SCN2A: variants seen among roughly 807,000 people sequenced by gnomAD.
SCN2A encodes sodium voltage-gated channel alpha subunit 2, also known as sodium channel protein type 2 subunit alpha.
In SCN2A, 20 loss-of-function variants were observed where a neutral mutation model predicts 188.7. The observed-to-expected ratio is 0.11, with a 90% CI of 0.07 to 0.15. The LOEUF is 0.15. Ranked by LOEUF, SCN2A falls within the 10% of genes least tolerant of loss-of-function variation. The probability of loss-of-function intolerance (pLI) is 1.00; values close to 1 mark genes in which losing one functional copy is unlikely to be tolerated. For missense variants in SCN2A, 1,278 were observed against 2,445.0 expected (o/e 0.52, Z 10.07); for synonymous variants, 804 against 833.1 (o/e 0.97, Z 0.60).
chr2:165,268,788 C>A (rs1470924875), intron 1 of SCN2A: 1 of 151,876 alleles, frequency 6.6e-6, no homozygotes, highest in African/African-American at 2.4e-5. Flanking sequence ...CACACACACA[C>A]AATGAAATAC....
chr2:165,288,548 A>T (rs1695958923), intron 1 of SCN2A, among the ~76,000 whole-genome samples: 1 of 151,994 alleles, frequency 6.6e-6, no homozygotes, highest in Non-Finnish European at 1.5e-5. Flanking sequence ...TTAAAAAAAA[A>T]AAACAGCTTT....
At chr2:165,316,215 T>G (rs143710338) in intron 11 of SCN2A, among the ~76,000 whole-genome samples, 2 of 152,272 alleles carry the variant, frequency 1.3e-5, no homozygotes, top group East Asian at 3.9e-4. Flanking sequence ...ATGCCTTTGT[T>G]TCAAAGGGGA....
intron 1 of SCN2A, chr2:165,271,347 A>C (rs1695096097): frequency 6.6e-6 from 1 of 152,152 alleles, no homozygotes; most frequent in Non-Finnish European, 1.5e-5. Flanking sequence ...CCATTAAAGT[A>C]TGATTCATAT....
At position 165,297,060 on chromosome 2, in the gene SCN2A, G is replaced by A. The variant is rs139756067; in HGVS notation, c.311G>A (p.Ser104Asn). Residue 104 changes from serine to asparagine, a missense_variant, in exon 3 of 27, where the codon AGT (serine) becomes AAT (asparagine). By Grantham distance (46) the Ser-to-Asn change is conservative. Transcript: ENST00000375437. ...LNKGKAISRFSATPALYILTP... is the reference protein window; with the variant it reads ...LNKGKAISRFNATPALYILTP... ...AAAGGGAAAGCAATCTCTCGATTCAGTGCCACCCCTGCCCTTTACATTTTA... is the reference window on the plus strand; with the variant it reads ...AAAGGGAAAGCAATCTCTCGATTCAATGCCACCCCTGCCCTTTACATTTTA... 10 of 1,611,786 alleles carry A rather than the reference G, an allele frequency of 6.2e-6. No homozygotes were observed. The highest frequency in any genetic ancestry group is 8.5e-6 in the Non-Finnish European group (10 of 1,178,460).
At chr2:165,319,109 G>A (rs1252898897) in intron 11 of SCN2A, among the ~76,000 whole-genome samples, 4 of 152,036 alleles carry the variant, frequency 2.6e-5, no homozygotes, top group Admixed American at 6.5e-5. Context: ...AGGCCGAGAC[G>A]GGCAGATCAT....
intron 1 of SCN2A, among the ~76,000 whole-genome samples, chr2:165,257,057 G>C (rs1485372921): frequency 6.6e-6 from 1 of 152,148 alleles, no homozygotes; most frequent in Non-Finnish European, 1.5e-5. Flanking sequence ...AGTTTGTGTA[G>C]GTTTGATGGC....
rs12151446 is a variant in SCN2A at position 165,292,545 on chromosome 2, G to A, written c.-51-3228G>A. On this transcript the variant is annotated intron_variant, in intron 1 of 26. Transcript: ENST00000375437. ...ATGTTTATGTCCATGTGTACCCAAT[G>A]TTTAGCTCCCACTTATAAGTGAGAA... Among the ~76,000 whole-genome samples the A allele has an allele frequency of 5.2e-3, 795 of 152,058 alleles. 3 individuals are homozygous for A. The highest frequency in any genetic ancestry group is 7.5e-3 in the Non-Finnish European group (511 of 67,982).
chr2:165,277,484 AT>A (rs1429127035), intron 1 of SCN2A, among the ~76,000 whole-genome samples: 1 of 152,222 alleles, frequency 6.6e-6, no homozygotes, highest in African/African-American at 2.4e-5. Context: ...GGTTGCAATT[AT>A]ATAGTTGCCT....
intron 1 of SCN2A, chr2:165,241,093 A>T (rs1177529466): frequency 4.6e-5 from 7 of 151,352 alleles, no homozygotes; most frequent in Non-Finnish European, 7.4e-5. Flanking sequence ...TAGTGTGAAC[A>T]TATCAGGATG....
chr2:165,320,525 G>A (rs536592609), intron 11 of SCN2A, among the ~76,000 whole-genome samples: 10 of 152,208 alleles, frequency 6.6e-5, no homozygotes, highest in Non-Finnish European at 1.5e-4. Flanking sequence ...TTCTCCATGA[G>A]AGCCCTGCCC....
Position 165,313,569 on chromosome 2 carries a change from TAGC to T in SCN2A, c.1035-48_1035-46del. ...CATATATTAAAACAGGAAAACCAATTAGCAGACTTGCCGTTATTGACTTCCTTT... is the reference window on the plus strand; with the variant it reads ...CATATATTAAAACAGGAAAACCAATTAGACTTGCCGTTATTGACTTCCTTT... On this transcript the variant is annotated intron_variant, in intron 8 of 26. Transcript: ENST00000375437. 5 of 1,608,066 alleles carry T rather than the reference TAGC, an allele frequency of 3.1e-6. No individual in the cohort carries two copies. In the African/African-American group the frequency reaches 4.0e-5, roughly 13 times the overall value.
Position 165,388,988 on chromosome 2 carries a change from C to G in SCN2A, c.5182C>G (p.Pro1728Ala). The change falls in exon 27 of 27, where the codon CCT (proline) becomes GCT (alanine). Residue 1728 changes from proline to alanine, a missense_variant. Coordinates refer to ENST00000375437, the MANE Select transcript of SCN2A (RefSeq NM_001040142.2). Reference sequence around the variant, plus strand: ...GCTAGCACCTATTCTTAATAGTGGACCTCCAGACTGTGACCCTGACAAAGA... The same window carrying G: ...GCTAGCACCTATTCTTAATAGTGGAGCTCCAGACTGTGACCCTGACAAAGA... ...GLLAPILNSGPPDCDPDKDHP... is the reference protein window; with the variant it reads ...GLLAPILNSGAPDCDPDKDHP... The G allele has an allele frequency of 6.2e-7, 1 of 1,614,078 alleles. No individual in the cohort carries two copies. The highest frequency in any genetic ancestry group is 8.5e-7 in the Non-Finnish European group (1 of 1,180,000).
At chr2:165,387,113 C>A (rs1480244156) in intron 26 of SCN2A, 97 bp downstream of exon 26, 2 of 1,206,402 alleles carry the variant, frequency 1.7e-6, no homozygotes, top group Admixed American at 1.8e-5. Context: ...TCTCATTCAT[C>A]CCAAACTCCC....
intron 11 of SCN2A, among the ~76,000 whole-genome samples, chr2:165,318,807 T>A (rs1039897503): frequency 1.3e-5 from 2 of 152,130 alleles, no homozygotes; most frequent in Non-Finnish European, 2.9e-5. Flanking sequence ...ATGTCACACA[T>A]CCTGCAAATC....
At chr2:165,351,112 A>T (rs1397600507) in intron 16 of SCN2A, among the ~76,000 whole-genome samples, 1 of 152,198 alleles carries the variant, frequency 6.6e-6, no homozygotes, top group Non-Finnish European at 1.5e-5. Flanking sequence ...CAGATTGGTT[A>T]TGCTACTTAG....
chr2:165,375,184 C>A (rs962844923), intron 22 of SCN2A, among the ~76,000 whole-genome samples: 2 of 151,814 alleles, frequency 1.3e-5, no homozygotes, highest in African/African-American at 4.8e-5. Flanking sequence ...GGAGGTTTCT[C>A]AAAAAACTAA....
chr2:165,298,746 ATC>A (rs949337020), intron 3 of SCN2A, among the ~76,000 whole-genome samples: 1 of 152,182 alleles, frequency 6.6e-6, no homozygotes, highest in African/African-American at 2.4e-5. Context: ...CAGTGAATAA[ATC>A]TCTGCATAAA....
intron 1 of SCN2A, among the ~76,000 whole-genome samples, chr2:165,290,250 A>C (rs1296312866): frequency 6.6e-6 from 1 of 152,048 alleles, no homozygotes; most frequent in East Asian, 1.9e-4. Context: ...TACCTATTTG[A>C]AGTTCTATAA....
At chr2:165,270,354 C>T (rs1261801900) in intron 1 of SCN2A, 4 of 151,992 alleles carry the variant, frequency 2.6e-5, no homozygotes, top group African/African-American at 4.8e-5. Flanking sequence ...TTCTTTACAA[C>T]CCACCCATTG....
Sources: allele counts gnomAD v4.1 joint callset (sites outside exome capture counted in the v4.1 genomes callset), GRCh38; gene constraint gnomAD v4.1.1; transcripts MANE v1.5; gene names NCBI Gene and HGNC (gene_info 2026-07-23, HGNC 2026-07-21).